Variants in GRIN2B observed in about 807,000 individuals in gnomAD.
The protein encoded by GRIN2B is glutamate receptor ionotropic, NMDA 2B.
In GRIN2B, 5 loss-of-function variants were observed where a neutral mutation model predicts 114.5. That is an observed-to-expected ratio of 0.04 (90% CI 0.02 to 0.09). GRIN2B has a LOEUF of 0.09. Among genes scored for constraint, GRIN2B ranks in the 10% least tolerant of loss-of-function variants. The probability of loss-of-function intolerance (pLI) is 1.00; values close to 1 mark genes in which losing one functional copy is unlikely to be tolerated. For missense variants in GRIN2B, 1,108 were observed against 1,943.5 expected (o/e 0.57, Z 8.08); for synonymous variants, 787 against 745.1 (o/e 1.06, Z -0.92).
Position 13,893,389 on chromosome 12 carries a change from T to C in GRIN2B, c.-18-27163A>G, listed in dbSNP as rs565813329. Among the ~76,000 whole-genome samples the C allele has an allele frequency of 4.6e-5, 7 of 152,002 alleles. No homozygotes were observed. The South Asian group carries it at 1.2e-3, about 27-fold the overall frequency. Reference sequence around the variant, plus strand: ...TAAAAACTAATACTTCCAAAAAAGGTTTTAATAAAATAGAAAAATCCTTAA... The same window carrying C: ...TAAAAACTAATACTTCCAAAAAAGGCTTTAATAAAATAGAAAAATCCTTAA... On this transcript the variant is annotated intron_variant, in intron 2 of 13. Coordinates refer to ENST00000609686, the MANE Select transcript of GRIN2B (RefSeq NM_000834.5).
intron 5 of GRIN2B, among the ~76,000 whole-genome samples, chr12:13,619,751 T>A (rs920084046): frequency 6.6e-6 from 1 of 152,210 alleles, no homozygotes; most frequent in Non-Finnish European, 1.5e-5. Context: ...CCTGTGAGAT[T>A]GAAGCTCACA....
chr12:13,624,918 G>A (rs376299945), intron 5 of GRIN2B, among the ~76,000 whole-genome samples: 1 of 152,332 alleles, frequency 6.6e-6, no homozygotes, highest in East Asian at 1.9e-4. Flanking sequence ...TCTGGAGAGT[G>A]AAGGAATGGG....
At chr12:13,922,700 T>C (rs771778431) in intron 2 of GRIN2B, among the ~76,000 whole-genome samples, 5 of 152,142 alleles carry the variant, frequency 3.3e-5, no homozygotes, top group Non-Finnish European at 4.4e-5. Context: ...TAAAGAGAGA[T>C]GATGAAGTGG....
At chr12:13,574,909 GCCCACTAACAGAGC>G (rs1389940302) in intron 10 of GRIN2B, among the ~76,000 whole-genome samples, 1 of 152,168 alleles carries the variant, frequency 6.6e-6, no homozygotes, top group Non-Finnish European at 1.5e-5. Context: ...AGGATAGAGT[GCCCACTAACAGAGC>G]CCCACATATA....
intron 5 of GRIN2B, among the ~76,000 whole-genome samples, chr12:13,640,150 C>T (rs557370762): frequency 1.6e-4 from 25 of 152,178 alleles, no homozygotes; most frequent in African/African-American, 6.0e-4. Flanking sequence ...ACTTGGGAGT[C>T]TGAGGTGGGA....
At position 13,808,748 on chromosome 12, in the gene GRIN2B, A is replaced by ATATATATATATATATATATAT. The variant is rs1388525573; in HGVS notation, c.412-54834_412-54833insATATATATATATATATATATA. 6.7e-4 allele frequency among the ~76,000 whole-genome samples: 74 copies of ATATATATATATATATATATAT among 110,228 alleles called. 3 individuals are homozygous for ATATATATATATATATATATAT. Among genetic ancestry groups the ATATATATATATATATATATAT allele is most frequent in the East Asian group, 1.9e-3 (8 of 4,138 alleles). The allele number at this position is 110,228 out of a possible 152,430, so 72.3% of individuals were successfully genotyped here. On this transcript the variant is annotated intron_variant, in intron 3 of 13. Transcript: ENST00000609686. ...CCCTAGAACTTAAAGTATAATAAAA[A>ATATATATATATATATATATAT]AAAAATATATATATATATATATACA...
chr12:13,692,292 T>C (rs960522023), intron 4 of GRIN2B, among the ~76,000 whole-genome samples: 4 of 152,138 alleles, frequency 2.6e-5, no homozygotes, highest in South Asian at 2.1e-4. Flanking sequence ...AGGCTGTCCA[T>C]TGGTGAAATC....
At chr12:13,943,532 T>C (rs554888222) in intron 2 of GRIN2B, among the ~76,000 whole-genome samples, 1 of 152,264 alleles carries the variant, frequency 6.6e-6, no homozygotes, top group Admixed American at 6.5e-5. Context: ...CTTGACTACC[T>C]CCGTGATCTC....
At chr12:13,703,402 A>G (rs768368306) in intron 4 of GRIN2B, among the ~76,000 whole-genome samples, 18 of 152,154 alleles carry the variant, frequency 1.2e-4, no homozygotes, top group Non-Finnish European at 2.2e-4. Flanking sequence ...AGAGCAAATG[A>G]AAAAATGCAG....
intron 3 of GRIN2B, among the ~76,000 whole-genome samples, chr12:13,800,332 C>T (rs749476926): frequency 1.3e-5 from 2 of 152,124 alleles, no homozygotes; most frequent in Non-Finnish European, 2.9e-5. Flanking sequence ...CATTTACAAT[C>T]TTCCCTCAGT....
Position 13,625,861 on chromosome 12 carries a change from G to A in GRIN2B, c.1126-9204C>T, listed in dbSNP as rs116093846. ...GTCCCATTGAGCGAGGTGGTGCCTCGTCATAAACCCCTCCCTGGGACAAGA... is the reference window on the plus strand; with the variant it reads ...GTCCCATTGAGCGAGGTGGTGCCTCATCATAAACCCCTCCCTGGGACAAGA... On this transcript the variant is annotated intron_variant, in intron 5 of 13. Transcript: ENST00000609686. 8.2e-3 allele frequency among the ~76,000 whole-genome samples: 1,247 copies of A among 152,270 alleles called. 13 individuals carry two copies. Among genetic ancestry groups the A allele is most frequent in the African/African-American group, 0.024 (1,010 of 41,550 alleles).
intron 4 of GRIN2B, among the ~76,000 whole-genome samples, chr12:13,686,325 T>G (rs766335481): frequency 1.3e-4 from 20 of 152,098 alleles, no homozygotes; most frequent in Non-Finnish European, 2.4e-4. Context: ...AAACCCCATT[T>G]CCTTCTTTTC....
chr12:13,829,118 C>T (rs1865103994), intron 3 of GRIN2B, among the ~76,000 whole-genome samples: 2 of 152,170 alleles, frequency 1.3e-5, no homozygotes, highest in Admixed American at 6.5e-5. Context: ...CATTTAACCT[C>T]GGTTCAAACT....
intron 4 of GRIN2B, chr12:13,683,696 A>G (rs1950151412): frequency 6.5e-6 from 1 of 153,186 alleles, no homozygotes; most frequent in African/African-American, 2.4e-5. Flanking sequence ...GAGGATGACC[A>G]TTCCCAATAA....
chr12:13,804,029 G>A (rs568672301), intron 3 of GRIN2B, among the ~76,000 whole-genome samples: 15 of 152,150 alleles, frequency 9.9e-5, no homozygotes, highest in South Asian at 8.3e-4. Flanking sequence ...ACCCATTTTC[G>A]TCTTTCTCTG....
chr12:13,564,668 A>G lies in GRIN2B; in HGVS notation c.2599-29T>C, dbSNP rs202079946. On this transcript the variant is annotated intron_variant, in intron 13 of 13. Transcript: ENST00000609686. The surrounding 1 kb of genome is among the most constrained non-coding windows in gnomAD (Gnocchi z 4.8). ...AAGCAAGAATGGAGGGACAGGTTAG[A>G]TCTCCAGAGAGGCTAGAAATGACCA... The G allele has an allele frequency of 4.1e-4, 659 of 1,602,814 alleles. 1 individual carries two copies. Among genetic ancestry groups the G allele is most frequent in the Non-Finnish European group, 5.1e-4 (600 of 1,171,348 alleles).
intron 2 of GRIN2B, among the ~76,000 whole-genome samples, chr12:13,973,193 C>A (rs1176740782): frequency 2.0e-5 from 3 of 152,240 alleles, no homozygotes; most frequent in Middle Eastern, 6.8e-3. Flanking sequence ...TTAAGTCCCC[C>A]CTCTTAAAAA....
At chr12:13,698,159 A>G (rs1269216435) in intron 4 of GRIN2B, among the ~76,000 whole-genome samples, 1 of 152,218 alleles carries the variant, frequency 6.6e-6, no homozygotes, top group African/African-American at 2.4e-5. Flanking sequence ...GATAACACAC[A>G]CTGCTGAGGG....
At chr12:13,964,882 C>A (rs1353612101) in intron 2 of GRIN2B, among the ~76,000 whole-genome samples, 1 of 152,206 alleles carries the variant, frequency 6.6e-6, no homozygotes, top group East Asian at 1.9e-4. Context: ...AGGAGCTCAG[C>A]CTTCTTTGTT....
Sources: gnomAD v4.1 joint callset for allele counts (sites outside exome capture counted in the v4.1 genomes callset) on GRCh38, gnomAD v4.1.1 for gene constraint, Gnocchi (gnomAD v3.1) non-coding constraint, MANE v1.5 for transcripts, NCBI Gene and HGNC (gene_info 2026-07-23, HGNC 2026-07-21) for gene names.